The following PTAFR variants were observed in gnomAD, a reference collection of about 807,000 sequenced individuals.
The protein encoded by PTAFR is platelet activating factor receptor.
In PTAFR, 8 loss-of-function variants were observed where a neutral mutation model predicts 14.7. That is an observed-to-expected ratio of 0.54 (90% CI 0.32 to 0.98). The LOEUF (loss-of-function observed/expected upper bound fraction) is 0.98. PTAFR is among the 50% of genes least tolerant of loss of function. PTAFR has a pLI of 0.04. For missense variants in PTAFR, 337 were observed against 451.2 expected, an observed-to-expected ratio of 0.75 and a Z score of 2.29; for synonymous variants, 156 against 176.5, an observed-to-expected ratio of 0.88 and a Z score of 0.92.
At chr1:28,168,901 C>G (rs1047066927) in intron 1 of PTAFR, among the ~76,000 whole-genome samples, 2 of 152,114 alleles carry the variant, frequency 1.3e-5, no homozygotes, top group African/African-American at 2.4e-5. Flanking sequence ...CTCCTGACCT[C>G]AAGCGATCCA....
intron 1 of PTAFR, among the ~76,000 whole-genome samples, chr1:28,187,077 C>T (rs1056743023): frequency 3.9e-5 from 6 of 152,192 alleles, no homozygotes; most frequent in African/African-American, 1.4e-4. Context: ...AGGCGTGAGC[C>T]ACCTCGTCCA....
intron 1 of PTAFR, among the ~76,000 whole-genome samples, chr1:28,162,650 AC>A (rs757744821): frequency 6.6e-6 from 1 of 151,398 alleles, no homozygotes; most frequent in African/African-American, 2.4e-5. Context: ...ACATAATGAA[AC>A]CCCCTCTCTA....
chr1:28,180,005 T>C (rs1243067880), upstream of PTAFR, among the ~76,000 whole-genome samples: 1 of 151,730 alleles, frequency 6.6e-6, no homozygotes, highest in African/African-American at 2.4e-5. Flanking sequence ...AATCAACCGC[T>C]TGAACACAAA....
Position 28,170,985 on chromosome 1 carries a change from G to A in PTAFR, c.-39+5607C>T, listed in dbSNP as rs985600610. Among the ~76,000 whole-genome samples, 5 of 150,306 alleles carry A rather than the reference G, an allele frequency of 3.3e-5. No homozygotes were observed. The East Asian group carries it at 5.9e-4, about 18-fold the overall frequency. Reference sequence around the variant, plus strand: ...ACTGCACTCCAGCCTGGGCAACAGCGAGACTCCATCTCAAAAAATAAATAA... The same window carrying A: ...ACTGCACTCCAGCCTGGGCAACAGCAAGACTCCATCTCAAAAAATAAATAA... On this transcript the variant is annotated intron_variant, in intron 1 of 1. Transcript: ENST00000373857.
intron 1 of PTAFR, among the ~76,000 whole-genome samples, chr1:28,191,554 C>G (rs1016716613): frequency 3.4e-5 from 5 of 146,802 alleles, no homozygotes; most frequent in Admixed American, 6.9e-5. Flanking sequence ...AGCAACATAG[C>G]GAAACCTCAT....
intron 1 of PTAFR, among the ~76,000 whole-genome samples, chr1:28,173,465 CAAAACAAAAACAAAAACA>C (rs377112636): frequency 1.5e-4 from 23 of 151,704 alleles, no homozygotes; most frequent in African/African-American, 5.3e-4. Context: ...ACAAACAAAA[CAAAACAAAAACAAAAACA>C]AAAACAAAAA....
intron 1 of PTAFR, among the ~76,000 whole-genome samples, chr1:28,153,820 G>A (rs558680921): frequency 1.2e-3 from 185 of 151,556 alleles, no homozygotes; most frequent in Non-Finnish European, 2.3e-3. Flanking sequence ...CCCGGGAGGC[G>A]GAGATTGCAG....
In PTAFR at chr1:28,147,268, C is replaced by T. The variant is rs1041736550; in HGVS notation, c.*2725G>A. On this transcript the variant is annotated 3_prime_UTR_variant, in exon 2 of 2. Transcript: ENST00000373857. ...ATGAATGACTGAAATTCAGGAGACGCGGGGAGTTAGCACAGAAGCACTTTC... is the reference window on the plus strand; with the variant it reads ...ATGAATGACTGAAATTCAGGAGACGTGGGGAGTTAGCACAGAAGCACTTTC... 5.3e-5 allele frequency: 8 copies of T among 151,874 alleles called. No homozygotes were observed. The highest frequency in any genetic ancestry group is 8.8e-5 in the Non-Finnish European group (6 of 68,004). 9.4% of individuals were successfully genotyped at this position (151,874 alleles called of 1,614,324 possible).
Position 28,150,885 on chromosome 1 carries a change from CA to C in PTAFR, c.136del (p.Cys46AlafsTer7). 6.2e-7 allele frequency: 1 copy of C among 1,614,088 alleles called. No individual in the cohort carries two copies. Among genetic ancestry groups the C allele is most frequent in the Non-Finnish European group, 8.5e-7 (1 of 1,180,012 alleles). On this transcript the variant is annotated frameshift_variant, in exon 2 of 2. Transcript: ENST00000373857. LOFTEE classifies it high-confidence loss of function. This position sits in a 1 kb window ranked among gnomAD's most constrained non-coding sequence, Gnocchi z 6.3. ...GATCTTTATCTCATTGAATTTCTTG[CA>C]AGGGTACAGGCGGGCAAAGACCCAC... ...VLWVFARLYPCKKFNEIKIFM... is the reference protein window; with the variant it reads ...VLWVFARLYPXKKFNEIKIFM...
At chr1:28,191,227 A>T (rs972461154) in intron 1 of PTAFR, among the ~76,000 whole-genome samples, 25 of 152,230 alleles carry the variant, frequency 1.6e-4, no homozygotes, top group African/African-American at 5.8e-4. Context: ...AGGGAGAACA[A>T]TCCAGACCAG....
At chr1:28,175,856 G>A (rs940075290) in intron 1 of PTAFR, among the ~76,000 whole-genome samples, 1 of 152,118 alleles carries the variant, frequency 6.6e-6, no homozygotes, top group Non-Finnish European at 1.5e-5. Context: ...ACTGCACAGA[G>A]ATGGAGCGTA....
At chr1:28,183,626 C>T (rs2149007171) in intron 1 of PTAFR, among the ~76,000 whole-genome samples, 1 of 152,266 alleles carries the variant, frequency 6.6e-6, no homozygotes, top group South Asian at 2.1e-4. Context: ...GATATCTTCT[C>T]TTCAAAATAT....
chr1:28,170,729 G>A (rs972376717), intron 1 of PTAFR, among the ~76,000 whole-genome samples: 1 of 149,122 alleles, frequency 6.7e-6, no homozygotes, highest in Non-Finnish European at 1.5e-5. Flanking sequence ...GGCCCGGCGC[G>A]GTGGCTCACG....
At chr1:28,152,371 G>A (rs910284138) in intron 1 of PTAFR, among the ~76,000 whole-genome samples, 2 of 152,136 alleles carry the variant, frequency 1.3e-5, no homozygotes, top group African/African-American at 4.8e-5. Flanking sequence ...GGAGGCCAAG[G>A]TGGGCGGATC....
At chr1:28,176,373 G>A (rs1646513232) in intron 1 of PTAFR, among the ~76,000 whole-genome samples, 1 of 148,634 alleles carries the variant, frequency 6.7e-6, no homozygotes, top group Non-Finnish European at 1.5e-5. Context: ...AGCCTGGCAG[G>A]TCCAGGCTGC....
chr1:28,192,904 T>C (rs1026744893), intron 1 of PTAFR, among the ~76,000 whole-genome samples: 1 of 152,122 alleles, frequency 6.6e-6, no homozygotes, highest in African/African-American at 2.4e-5. Context: ...GTGTTTTTAT[T>C]ATCAGTGTGC....
intron 1 of PTAFR, among the ~76,000 whole-genome samples, chr1:28,156,342 G>C (rs1441060758): frequency 6.6e-6 from 1 of 151,766 alleles, no homozygotes; most frequent in Non-Finnish European, 1.5e-5. Flanking sequence ...GTATCTGTGT[G>C]AAGGCAGATT....
chr1:28,193,719 T>G (rs1221601915), intron 1 of PTAFR: 3 of 152,586 alleles, frequency 2.0e-5, no homozygotes, highest in Non-Finnish European at 2.9e-5. Flanking sequence ...ACCAGCCTCT[T>G]ACCTGAGAAA....
At chr1:28,189,651 C>T (rs1022917461) in intron 1 of PTAFR, among the ~76,000 whole-genome samples, 1 of 151,558 alleles carries the variant, frequency 6.6e-6, no homozygotes, top group Admixed American at 6.6e-5. Context: ...TAATGCGATA[C>T]TAAAAAAGCA....
Sources: allele counts gnomAD v4.1 joint callset (sites outside exome capture counted in the v4.1 genomes callset), GRCh38; gene constraint gnomAD v4.1.1; non-coding constraint Gnocchi (gnomAD v3.1); transcripts MANE v1.5; gene names NCBI Gene and HGNC (gene_info 2026-07-23, HGNC 2026-07-21).